DIAPH3: variants seen among roughly 807,000 people sequenced by gnomAD.
DIAPH3 encodes diaphanous related formin 3.
In DIAPH3, 117 loss-of-function variants were observed where a neutral mutation model predicts 144.3. The ratio of observed to expected loss-of-function variants is 0.81; its 90% CI spans 0.70 to 0.95. DIAPH3 has a LOEUF of 0.95. DIAPH3 is among the 40% of genes least tolerant of loss of function. DIAPH3 has a pLI of 0.00. For synonymous variants in DIAPH3, 519 were observed against 488.9 expected, an observed-to-expected ratio of 1.06 and a Z score of -0.81; for missense variants, 1,421 against 1,412.7, an observed-to-expected ratio of 1.01 and a Z score of -0.09.
intron 17 of DIAPH3, among the ~76,000 whole-genome samples, chr13:59,933,716 T>C (rs1269700148): frequency 6.6e-6 from 1 of 152,196 alleles, no homozygotes; most frequent in Non-Finnish European, 1.5e-5. Flanking sequence ...ACACAGCATA[T>C]GCAGCATTTT....
intron 17 of DIAPH3, among the ~76,000 whole-genome samples, chr13:59,948,305 G>C (rs2048906248): frequency 6.6e-6 from 1 of 152,102 alleles, no homozygotes; most frequent in Non-Finnish European, 1.5e-5. Context: ...TGTAGAATTA[G>C]ACCTATTTCT....
Position 59,964,233 on chromosome 13 carries a change from T to C in DIAPH3, c.2074+5711A>G, listed in dbSNP as rs145811741. Among the ~76,000 whole-genome samples the C allele has an allele frequency of 3.7e-3, 567 of 152,210 alleles. 2 individuals carry two copies. Among genetic ancestry groups the C allele is most frequent in the African/African-American group, 0.012 (501 of 41,540 alleles). On this transcript the variant is annotated intron_variant, in intron 17 of 27. Coordinates refer to ENST00000400324, the MANE Select transcript of DIAPH3 (RefSeq NM_001042517.2). ...AAAATATCAAGGTCAACTTGTAATATGGAAAAGCAACAGTATCCTCCAATC... is the reference window on the plus strand; with the variant it reads ...AAAATATCAAGGTCAACTTGTAATACGGAAAAGCAACAGTATCCTCCAATC...
intron 25 of DIAPH3, among the ~76,000 whole-genome samples, chr13:59,795,797 C>A (rs1308287985): frequency 2.0e-5 from 3 of 152,280 alleles, no homozygotes; most frequent in African/African-American, 4.8e-5. Flanking sequence ...GGTTTCACAA[C>A]TTAAAGTTTG....
At chr13:59,907,075 C>A (rs2046779829) in intron 20 of DIAPH3, among the ~76,000 whole-genome samples, 1 of 152,078 alleles carries the variant, frequency 6.6e-6, no homozygotes, top group East Asian at 1.9e-4. Context: ...TGGAAAGAAT[C>A]CAAGAAGAGA....
At chr13:59,668,647 G>C (rs2032168108) in intron 27 of DIAPH3, among the ~76,000 whole-genome samples, 1 of 152,108 alleles carries the variant, frequency 6.6e-6, no homozygotes, top group Non-Finnish European at 1.5e-5. Context: ...GTTGGGTAAA[G>C]AAATTATTTC....
intron 2 of DIAPH3, among the ~76,000 whole-genome samples, chr13:60,124,291 G>T (rs544449418): frequency 6.6e-6 from 1 of 152,280 alleles, no homozygotes; most frequent in African/African-American, 2.4e-5. Context: ...ACTTTGAGGA[G>T]AACAAGGAAA....
At chr13:59,858,843 A>T (rs1477083538) in intron 22 of DIAPH3, among the ~76,000 whole-genome samples, 1 of 152,178 alleles carries the variant, frequency 6.6e-6, no homozygotes, top group Non-Finnish European at 1.5e-5. Context: ...TATCTTAGAA[A>T]AGAAGCAGTC....
chr13:60,149,383 T>C (rs151253574), intron 1 of DIAPH3, among the ~76,000 whole-genome samples: 1 of 152,280 alleles, frequency 6.6e-6, no homozygotes, highest in East Asian at 1.9e-4. Context: ...TCCTAAGATC[T>C]TAAGCGAATG....
At chr13:60,112,517 A>G (rs566700043) in intron 2 of DIAPH3, among the ~76,000 whole-genome samples, 20 of 152,144 alleles carry the variant, frequency 1.3e-4, no homozygotes, top group Non-Finnish European at 2.6e-4. Flanking sequence ...TACTTAGATA[A>G]TTTAGTGTTG....
intron 1 of DIAPH3, among the ~76,000 whole-genome samples, chr13:60,136,016 A>G (rs2059263308): frequency 6.6e-6 from 1 of 152,190 alleles, no homozygotes; most frequent in African/African-American, 2.4e-5. Context: ...ACATGATCTC[A>G]AGGTCCTGCC....
At chr13:59,691,136 C>T (rs2033496043) in intron 27 of DIAPH3, among the ~76,000 whole-genome samples, 1 of 152,068 alleles carries the variant, frequency 6.6e-6, no homozygotes, top group Non-Finnish European at 1.5e-5. Flanking sequence ...ATGATGGCAG[C>T]AACACACAGG....
intron 5 of DIAPH3, among the ~76,000 whole-genome samples, chr13:60,027,898 C>A (rs959551666): frequency 6.6e-6 from 1 of 152,116 alleles, no homozygotes; most frequent in African/African-American, 2.4e-5. Flanking sequence ...ACATTTCAGG[C>A]TTTTCACCGC....
chr13:59,824,051 T>C (rs2041232307), intron 24 of DIAPH3, among the ~76,000 whole-genome samples: 1 of 152,098 alleles, frequency 6.6e-6, no homozygotes, highest in African/African-American at 2.4e-5. Context: ...AATCTTTATC[T>C]AGATGAAACA....
intron 25 of DIAPH3, among the ~76,000 whole-genome samples, chr13:59,802,963 C>T (rs2040016407): frequency 6.6e-6 from 1 of 151,984 alleles, no homozygotes; most frequent in South Asian, 2.1e-4. Flanking sequence ...GGATTACAGG[C>T]GTGAGCCACC....
At chr13:59,870,773 C>T (rs916242906) in intron 21 of DIAPH3, among the ~76,000 whole-genome samples, 6 of 151,572 alleles carry the variant, frequency 4.0e-5, no homozygotes, top group East Asian at 1.9e-4. Context: ...CAGGTTCAAG[C>T]GACTCTCCTG....
At chr13:59,894,951 A>G (rs1313542395) in intron 20 of DIAPH3, among the ~76,000 whole-genome samples, 1 of 152,148 alleles carries the variant, frequency 6.6e-6, no homozygotes, top group African/African-American at 2.4e-5. Context: ...ATAGCTTACC[A>G]TAAGAAGATG....
intron 27 of DIAPH3, among the ~76,000 whole-genome samples, chr13:59,672,447 G>T (rs148321008): frequency 2.0e-5 from 3 of 152,102 alleles, no homozygotes; most frequent in Admixed American, 6.5e-5. Context: ...GTCTCTCCTC[G>T]CAATTCTTTA....
At chr13:59,719,965 T>C (rs1057409708) in intron 27 of DIAPH3, among the ~76,000 whole-genome samples, 2 of 152,050 alleles carry the variant, frequency 1.3e-5, no homozygotes, top group East Asian at 1.9e-4. Flanking sequence ...TCCTAAACAA[T>C]TGAGGAGGAG....
chr13:59,989,461 C>A (rs1479574007), intron 12 of DIAPH3, among the ~76,000 whole-genome samples: 1 of 151,610 alleles, frequency 6.6e-6, no homozygotes, highest in Non-Finnish European at 1.5e-5. Context: ...GAGGAAAAAA[C>A]TGATGGAGTT....
Sources: allele counts gnomAD v4.1 joint callset (sites outside exome capture counted in the v4.1 genomes callset), GRCh38; gene constraint gnomAD v4.1.1; transcripts MANE v1.5; gene names NCBI Gene and HGNC (gene_info 2026-07-23, HGNC 2026-07-21).